KCNS3: variants seen among roughly 807,000 people sequenced by gnomAD.
The protein encoded by KCNS3 is delayed-rectifier potassium channel regulatory subunit KCNS3.
A neutral mutation model predicts 31.0 loss-of-function variants in KCNS3; 13 were observed. The observed-to-expected ratio is 0.42, with a 90% CI of 0.27 to 0.67. The LOEUF is 0.67. Ranked by LOEUF, KCNS3 falls within the 30% of genes least tolerant of loss-of-function variation. The pLI is 0.25. For missense variants in KCNS3, 545 were observed against 622.4 expected, an observed-to-expected ratio of 0.88 and a Z score of 1.32; for synonymous variants, 238 against 241.5, an observed-to-expected ratio of 0.99 and a Z score of 0.13.
intron 1 of KCNS3, among the ~76,000 whole-genome samples, chr2:17,914,783 C>T (rs1376974174): frequency 3.3e-5 from 5 of 152,114 alleles, no homozygotes; most frequent in Admixed American, 3.3e-4. Flanking sequence ...GTGATGGGGC[C>T]ACACAGGATT....
intron 2 of KCNS3, 105 bp from the exon 3 acceptor site, chr2:17,930,845 G>A (rs1223843252): frequency 2.0e-5 from 13 of 637,054 alleles, no homozygotes; most frequent in Non-Finnish European, 3.4e-5. Context: ...TGCATTTCCT[G>A]CTTTGCTTTT....
chr2:17,881,935 A>C (rs191674024), intron 1 of KCNS3, among the ~76,000 whole-genome samples: 1 of 152,326 alleles, frequency 6.6e-6, no homozygotes, highest in Non-Finnish European at 1.5e-5. Context: ...GCTGGTTAGG[A>C]AAAAAGGAAG....
intron 1 of KCNS3, among the ~76,000 whole-genome samples, chr2:17,902,460 T>C (rs1397567397): frequency 1.3e-5 from 2 of 152,248 alleles, no homozygotes; most frequent in East Asian, 3.9e-4. Flanking sequence ...TTACATTTGA[T>C]AAGAATTACA....
chr2:17,890,796 C>T (rs997338675), intron 1 of KCNS3, among the ~76,000 whole-genome samples: 1 of 152,090 alleles, frequency 6.6e-6, no homozygotes, highest in African/African-American at 2.4e-5. Flanking sequence ...GAGAGTGCTT[C>T]ACATAATTTT....
At chr2:17,907,104 G>A (rs902348026) in intron 1 of KCNS3, among the ~76,000 whole-genome samples, 4 of 152,184 alleles carry the variant, frequency 2.6e-5, no homozygotes, top group African/African-American at 9.7e-5. Context: ...AAGTCTCTTT[G>A]TAGATCTCTA....
intron 1 of KCNS3, among the ~76,000 whole-genome samples, chr2:17,899,988 A>C (rs1662131524): frequency 6.6e-6 from 1 of 152,126 alleles, no homozygotes; most frequent in Non-Finnish European, 1.5e-5. Context: ...TACAGAAGCA[A>C]AGAGTACGAT....
At chr2:17,893,064 G>A (rs535502056) in intron 1 of KCNS3, among the ~76,000 whole-genome samples, 3 of 152,324 alleles carry the variant, frequency 2.0e-5, no homozygotes, top group South Asian at 2.1e-4. Flanking sequence ...CCAGGCACAT[G>A]TGTCTGAGCT....
intron 2 of KCNS3, among the ~76,000 whole-genome samples, chr2:17,921,915 GTATATATATATATATATATA>G (rs56064218): frequency 5.2e-4 from 17 of 32,810 alleles, no homozygotes; most frequent in Admixed American, 8.8e-4. Flanking sequence ...GTGTGTGTGT[GTATATATATATATATATATA>G]TATATATATA....
At position 17,884,263 on chromosome 2, in the gene KCNS3, AAAAAAATATATAT is replaced by A. The variant is rs1313153799; in HGVS notation, c.-252+5459_-252+5471del. 2.1e-4 allele frequency among the ~76,000 whole-genome samples: 10 copies of A among 47,244 alleles called. No homozygotes were observed. The East Asian group carries it at 2.6e-3, about 12-fold the overall frequency. 31.0% of individuals were successfully genotyped at this position (47,244 alleles called of 152,430 possible). A position where few individuals can be genotyped will look rare whatever the true frequency, so the allele number is the denominator to read the frequency against. ...TAGAACTTAAAGTATAATTAAAAAA[AAAAAAATATATAT>A]ATATATATATATATATATATATATA... On this transcript the variant is annotated intron_variant, in intron 1 of 2. Transcript: ENST00000304101.
rs370610132 is a variant in KCNS3, at chr2:17,921,901, A to ATG, written c.-60+4044_-60+4045dup. Among the ~76,000 whole-genome samples, 255 of 74,050 alleles carry ATG rather than the reference A, an allele frequency of 3.4e-3. 3 individuals carry two copies. Among genetic ancestry groups the ATG allele is most frequent in the Middle Eastern group, 0.014 (2 of 138 alleles). The allele number at this position is 74,050 out of a possible 152,430, so 48.6% of individuals were successfully genotyped here. Reference sequence around the variant, plus strand: ...TCAAATGTCCCTGATTTTCATATATATGTGTGTGTGTGTGTATATATATAT... The same window carrying ATG: ...TCAAATGTCCCTGATTTTCATATATATGTGTGTGTGTGTGTGTATATATATAT... On this transcript the variant is annotated intron_variant, in intron 2 of 2. Coordinates refer to ENST00000304101, the MANE Select transcript of KCNS3 (RefSeq NM_002252.5).
intron 1 of KCNS3, among the ~76,000 whole-genome samples, chr2:17,885,718 C>G (rs1459170857): frequency 6.6e-6 from 1 of 152,184 alleles, no homozygotes; most frequent in East Asian, 1.9e-4. Flanking sequence ...TTATAGAGGG[C>G]AGTCTGCTTT....
At chr2:17,896,750 G>A (rs546967756) in intron 1 of KCNS3, among the ~76,000 whole-genome samples, 92 of 152,320 alleles carry the variant, frequency 6.0e-4, no homozygotes, top group African/African-American at 1.9e-3. Context: ...TGGACAGGTG[G>A]TATGGGCTCA....
At chr2:17,926,295 T>G (rs1412972168) in intron 2 of KCNS3, among the ~76,000 whole-genome samples, 2 of 152,214 alleles carry the variant, frequency 1.3e-5, no homozygotes, top group Non-Finnish European at 2.9e-5. Flanking sequence ...GTCTGTGGCT[T>G]TTCCAGGTGC....
Position 17,930,931 on chromosome 2 carries a change from C to T in KCNS3, c.-59-19C>T. The T allele has an allele frequency of 1.3e-6, 2 of 1,515,760 alleles. No individual in the cohort carries two copies. The highest frequency in any genetic ancestry group is 1.8e-6 in the Non-Finnish European group (2 of 1,119,612). The allele number at this position is 1,515,760 out of a possible 1,614,324, so 93.9% of individuals were successfully genotyped here. On this transcript the variant is annotated intron_variant, in intron 2 of 2. Transcript: ENST00000304101. ...GCACGGCAGGACAGAGTGCTAATAT[C>T]ATCTTGTGCTCTTTCCAGGTGCAGC...
chr2:17,888,637 A>ATATC (rs1661757506), intron 1 of KCNS3, among the ~76,000 whole-genome samples: 11 of 70,746 alleles, frequency 1.6e-4, no homozygotes, highest in Non-Finnish European at 3.8e-4. Flanking sequence ...ATGTATATAT[A>ATATC]TATATATATA....
intron 2 of KCNS3, among the ~76,000 whole-genome samples, chr2:17,928,063 A>T (rs1662876296): frequency 6.6e-6 from 1 of 152,210 alleles, no homozygotes; most frequent in Admixed American, 6.5e-5. Flanking sequence ...GGCTCAAAAT[A>T]AATCTCTTTA....
chr2:17,888,759 G>C (rs1661767498), intron 1 of KCNS3, among the ~76,000 whole-genome samples: 1 of 146,338 alleles, frequency 6.8e-6, no homozygotes, highest in East Asian at 2.0e-4. Context: ...TTTATTTCTG[G>C]GTTCTCTATT....
chr2:17,918,345 C>G lies in KCNS3; in HGVS notation c.-60+474C>G, dbSNP rs1662636276. ...ATGCTTCAAACATGTTGGATCAATT[C>G]TAACTAAACTTGAGATATTCCACAT... On this transcript the variant is annotated intron_variant, in intron 2 of 2. Coordinates refer to ENST00000304101, the MANE Select transcript of KCNS3 (RefSeq NM_002252.5). Among the ~76,000 whole-genome samples the G allele has an allele frequency of 2.6e-5, 4 of 152,306 alleles. No individual in the cohort carries two copies. In the South Asian group the frequency reaches 8.3e-4, roughly 32 times the overall value.
intron 1 of KCNS3, among the ~76,000 whole-genome samples, chr2:17,894,179 TTAGACAC>T (rs1369971684): frequency 6.6e-6 from 1 of 152,044 alleles, no homozygotes; most frequent in African/African-American, 2.4e-5. Flanking sequence ...GCAGACATCA[TTAGACAC>T]TAGGATTAGG....
Sources: allele counts gnomAD v4.1 joint callset (sites outside exome capture counted in the v4.1 genomes callset), GRCh38; gene constraint gnomAD v4.1.1; transcripts MANE v1.5; gene names NCBI Gene and HGNC (gene_info 2026-07-23, HGNC 2026-07-21).